The following ZNF821 variants were observed in gnomAD, a reference collection of about 807,000 sequenced individuals.
ZNF821 encodes zinc finger protein 821.
A neutral mutation model predicts 44.3 loss-of-function variants in ZNF821; 16 were observed. The ratio of observed to expected loss-of-function variants is 0.36; its 90% CI spans 0.24 to 0.55. The LOEUF is 0.55. ZNF821 is among the 20% of genes least tolerant of loss of function. ZNF821 has a pLI of 0.86. For missense variants in ZNF821, 436 were observed against 547.6 expected (o/e 0.80, Z 2.03); for synonymous variants, 204 against 197.6 (o/e 1.03, Z -0.27).
chr16:71,871,270 T>C (rs551762735), intron 3 of ZNF821, among the ~76,000 whole-genome samples: 74 of 152,334 alleles, frequency 4.9e-4, no homozygotes, highest in South Asian at 1.2e-3. Flanking sequence ...TGTGTTCTTA[T>C]ATTTTAGTCT....
At chr16:71,870,927 T>C (rs1180258390) in intron 3 of ZNF821, among the ~76,000 whole-genome samples, 1 of 152,240 alleles carries the variant, frequency 6.6e-6, no homozygotes, top group East Asian at 1.9e-4. Flanking sequence ...GTGATACTTC[T>C]GGTCTCCAAA....
In ZNF821 at chr16:71,876,285, C is replaced by T. The variant is rs1421541892; in HGVS notation, c.40+3622G>A. On this transcript the variant is annotated intron_variant, in intron 3 of 7. Coordinates refer to ENST00000425432, the MANE Select transcript of ZNF821 (RefSeq NM_001201552.2). Reference sequence around the variant, plus strand: ...GTGGCACTATCTCGGCTCACTGCAACCTCTGCCTCCCGAGTTCAAGTGATT... The same window carrying T: ...GTGGCACTATCTCGGCTCACTGCAATCTCTGCCTCCCGAGTTCAAGTGATT... Among the ~76,000 whole-genome samples the T allele has an allele frequency of 1.1e-4, 16 of 151,902 alleles. 1 individual carries two copies. The highest frequency in any genetic ancestry group is 1.5e-5 in the Non-Finnish European group (1 of 67,990).
chr16:71,876,947 A>C (rs750951538), intron 3 of ZNF821, among the ~76,000 whole-genome samples: 21 of 152,130 alleles, frequency 1.4e-4, no homozygotes, highest in Non-Finnish European at 2.6e-4. Flanking sequence ...CTCACGTGCA[A>C]GCCCACTGCA....
intron 1 of ZNF821, among the ~76,000 whole-genome samples, chr16:71,889,828 T>C (rs1323809174): frequency 1.3e-5 from 2 of 152,194 alleles, no homozygotes; most frequent in African/African-American, 4.8e-5. Flanking sequence ...TGGCATGGCA[T>C]GTGCCTATAG....
intron 3 of ZNF821, among the ~76,000 whole-genome samples, chr16:71,870,367 AAC>A (rs1020483860): frequency 4.0e-5 from 6 of 151,714 alleles, no homozygotes; most frequent in Admixed American, 3.9e-4. Context: ...GGGTAGAGAA[AAC>A]AAAAAAAAAA....
Position 71,864,891 on chromosome 16 carries a change from A to G in ZNF821, c.312+12T>C, listed in dbSNP as rs547359929. On this transcript the variant is annotated intron_variant, in intron 5 of 7. Coordinates refer to ENST00000425432, the MANE Select transcript of ZNF821 (RefSeq NM_001201552.2). ...ATTGCTGGACCTGGACCCAGGGGCCATCGTCACTTGCCTCGTGCTCTACCA... is the reference window on the plus strand; with the variant it reads ...ATTGCTGGACCTGGACCCAGGGGCCGTCGTCACTTGCCTCGTGCTCTACCA... 3.7e-6 allele frequency: 6 copies of G among 1,614,056 alleles called. No individual in the cohort carries two copies. The highest frequency in any genetic ancestry group is 1.3e-5 in the African/African-American group (1 of 75,054).
At chr16:71,867,506 G>T (rs1364437437) in intron 4 of ZNF821, among the ~76,000 whole-genome samples, 1 of 152,092 alleles carries the variant, frequency 6.6e-6, no homozygotes, top group African/African-American at 2.4e-5. Flanking sequence ...GACCAACATG[G>T]AGAAACCCCG....
intron 6 of ZNF821, among the ~76,000 whole-genome samples, chr16:71,862,750 G>T (rs1382475190): frequency 6.6e-6 from 1 of 152,174 alleles, no homozygotes; most frequent in Non-Finnish European, 1.5e-5. Flanking sequence ...TTATGGTACA[G>T]CCCAGGCTGC....
chr16:71,880,116 A>G, intron 2 of ZNF821, 93 bp from the exon 3 acceptor site: 2 of 555,990 alleles, frequency 3.6e-6, no homozygotes, highest in South Asian at 3.0e-5. Flanking sequence ...ACAGCTCCTG[A>G]GCATATAAAA....
chr16:71,862,338 G>A (rs8045275), intron 6 of ZNF821, among the ~76,000 whole-genome samples: 6,061 of 152,246 alleles, frequency 0.04, 403 homozygotes, highest in African/African-American at 0.14. Context: ...AGCCTGGTGT[G>A]GGGGCAGGTG....
intron 3 of ZNF821, among the ~76,000 whole-genome samples, chr16:71,874,291 G>C (rs1455519978): frequency 6.6e-6 from 1 of 152,034 alleles, no homozygotes; most frequent in Non-Finnish European, 1.5e-5. Flanking sequence ...CCTTTAGGTG[G>C]CCTATTAGTT....
chr16:71,886,947 G>C (rs987054850), upstream of ZNF821, among the ~76,000 whole-genome samples: 8 of 152,318 alleles, frequency 5.3e-5, no homozygotes, highest in East Asian at 1.5e-3. Flanking sequence ...TCTGGCTTTT[G>C]TCACTTAATC....
chr16:71,887,122 T>A (rs1039434875), upstream of ZNF821, among the ~76,000 whole-genome samples: 1 of 152,236 alleles, frequency 6.6e-6, no homozygotes, highest in Admixed American at 6.5e-5. Context: ...ACTTTTTGGC[T>A]ACTATGCATA....
chr16:71,883,000 A>G, intron 2 of ZNF821: 1 of 379,370 alleles, frequency 2.6e-6, no homozygotes, highest in South Asian at 1.9e-5. Flanking sequence ...GGTGAGATTC[A>G]GGTCTAAAGG....
upstream of ZNF821, among the ~76,000 whole-genome samples, chr16:71,885,678 T>C (rs553362808): frequency 6.6e-6 from 1 of 152,322 alleles, no homozygotes; most frequent in East Asian, 1.9e-4. Context: ...TTCAATGTAA[T>C]AGAATGATTA....
At chr16:71,866,651 T>C (rs2034579816) in intron 4 of ZNF821, among the ~76,000 whole-genome samples, 1 of 152,256 alleles carries the variant, frequency 6.6e-6, no homozygotes, top group South Asian at 2.1e-4. Flanking sequence ...AGAGGGATAG[T>C]ACATCCTTCA....
At chr16:71,865,874 G>A (rs770564078) in intron 4 of ZNF821, among the ~76,000 whole-genome samples, 4 of 152,194 alleles carry the variant, frequency 2.6e-5, no homozygotes, top group South Asian at 2.1e-4. Flanking sequence ...AGTTTTAGGG[G>A]TAGGATGTGG....
chr16:71,892,659 C>A (rs1344736472), intron 1 of ZNF821, among the ~76,000 whole-genome samples: 2 of 151,520 alleles, frequency 1.3e-5, no homozygotes, highest in South Asian at 2.1e-4. Context: ...GCAACCTCCG[C>A]CTCCCCGGTT....
At chr16:71,867,872 C>T (rs1248073727) in intron 4 of ZNF821, 40 bp downstream of exon 4, 1 of 1,532,014 alleles carries the variant, frequency 6.5e-7, no homozygotes, top group Non-Finnish European at 8.7e-7. Flanking sequence ...TAATTCTTCT[C>T]CCATTGCCCT....
Sources: gnomAD v4.1 joint callset for allele counts (sites outside exome capture counted in the v4.1 genomes callset) on GRCh38, gnomAD v4.1.1 for gene constraint, MANE v1.5 for transcripts, NCBI Gene and HGNC (gene_info 2026-07-23, HGNC 2026-07-21) for gene names.